Variants in ABTB2 observed in about 807,000 individuals in gnomAD.
The protein encoded by ABTB2 is ankyrin repeat and BTB domain containing 2.
ABTB2 carries 56 observed loss-of-function variants against 104.1 expected under a neutral mutation model. The ratio of observed to expected loss-of-function variants is 0.54; its 90% CI spans 0.43 to 0.67. ABTB2 has a LOEUF of 0.67. Among genes scored for constraint, ABTB2 ranks in the 30% least tolerant of loss-of-function variants. The pLI is 0.00. For synonymous variants in ABTB2, 606 were observed against 608.2 expected, an observed-to-expected ratio of 1.00 and a Z score of 0.05; for missense variants, 1,279 against 1,407.7, an observed-to-expected ratio of 0.91 and a Z score of 1.46.
At chr11:34,339,868 T>C (rs1299866960) in intron 1 of ABTB2, among the ~76,000 whole-genome samples, 1 of 152,134 alleles carries the variant, frequency 6.6e-6, no homozygotes, top group Non-Finnish European at 1.5e-5. Context: ...ATTAATCCTA[T>C]AGAAATAATC....
intron 3 of ABTB2, among the ~76,000 whole-genome samples, chr11:34,185,801 A>C (rs1471349923): frequency 6.6e-6 from 1 of 152,196 alleles, no homozygotes; most frequent in African/African-American, 2.4e-5. Context: ...TATATGTTTC[A>C]AGACAGCTAG....
At chr11:34,169,917 T>G (rs192550537) in intron 5 of ABTB2, among the ~76,000 whole-genome samples, 1 of 152,224 alleles carries the variant, frequency 6.6e-6, no homozygotes, top group African/African-American at 2.4e-5. Flanking sequence ...GGGTCCACCC[T>G]GGCCTCACGG....
intron 1 of ABTB2, among the ~76,000 whole-genome samples, chr11:34,301,925 G>A (rs1364604336): frequency 6.6e-6 from 1 of 152,208 alleles, no homozygotes; most frequent in Non-Finnish European, 1.5e-5. Flanking sequence ...GGTTTAGGCT[G>A]CAGTGAGGCC....
At chr11:34,291,703 C>A (rs1356890258) in intron 1 of ABTB2, among the ~76,000 whole-genome samples, 1 of 152,132 alleles carries the variant, frequency 6.6e-6, no homozygotes, top group Admixed American at 6.6e-5. Flanking sequence ...ACCATGTTGG[C>A]CAGGCTGGTC....
intron 10 of ABTB2, 89 bp downstream of exon 10, chr11:34,162,487 C>T: frequency 1.4e-6 from 2 of 1,392,404 alleles, no homozygotes; most frequent in Non-Finnish European, 2.0e-6. Flanking sequence ...GGCCCTGGCC[C>T]TCTCAGGCCT....
At chr11:34,236,012 G>A (rs1853838446) in intron 1 of ABTB2, among the ~76,000 whole-genome samples, 1 of 152,222 alleles carries the variant, frequency 6.6e-6, no homozygotes, top group African/African-American at 2.4e-5. Context: ...GACGGGGAGA[G>A]ATGCTGCTGG....
intron 2 of ABTB2, among the ~76,000 whole-genome samples, chr11:34,204,167 G>A (rs941991903): frequency 2.0e-5 from 3 of 152,054 alleles, no homozygotes; most frequent in Non-Finnish European, 4.4e-5. Context: ...AGCACCAGTT[G>A]TGAATTCAGA....
intron 1 of ABTB2, among the ~76,000 whole-genome samples, chr11:34,310,824 C>T (rs921189286): frequency 6.6e-6 from 1 of 152,188 alleles, no homozygotes; most frequent in Admixed American, 6.5e-5. Context: ...TGGTCACCTG[C>T]ATCTCATATC....
chr11:34,168,204 G>T (rs931107657), intron 5 of ABTB2, among the ~76,000 whole-genome samples: 1 of 152,204 alleles, frequency 6.6e-6, no homozygotes, highest in African/African-American at 2.4e-5. Flanking sequence ...CAGGACACTG[G>T]AGCAGGGCCC....
At chr11:34,307,198 G>A (rs1333741063) in intron 1 of ABTB2, among the ~76,000 whole-genome samples, 1 of 152,090 alleles carries the variant, frequency 6.6e-6, no homozygotes, top group Non-Finnish European at 1.5e-5. Flanking sequence ...TCCTGGTATT[G>A]TGAGAACTGT....
intron 1 of ABTB2, chr11:34,335,164 T>C: frequency 7.9e-7 from 1 of 1,268,506 alleles, no homozygotes; most frequent in Non-Finnish European, 1.2e-6. Flanking sequence ...GTTGCATTAG[T>C]GAAGATGCTT....
Position 34,151,529 on chromosome 11 carries a change from C to G in ABTB2, c.*858G>C, listed in dbSNP as rs1240954135. On this transcript the variant is annotated 3_prime_UTR_variant, in exon 17 of 17. Coordinates refer to ENST00000435224, the MANE Select transcript of ABTB2 (RefSeq NM_145804.3). ...AGGGGACTCTGCTTCATCGCCCCCA[C>G]AAAGGCAACCTAGTCTAGGCCTGAG... The G allele has an allele frequency of 3.3e-5, 5 of 152,292 alleles. No individual in the cohort carries two copies. The East Asian group carries it at 9.6e-4, about 29-fold the overall frequency. 9.4% of individuals were successfully genotyped at this position (152,292 alleles called of 1,614,324 possible).
At chr11:34,298,695 C>G (rs1039263093) in intron 1 of ABTB2, among the ~76,000 whole-genome samples, 3 of 152,080 alleles carry the variant, frequency 2.0e-5, no homozygotes, top group Admixed American at 6.6e-5. Flanking sequence ...CTCCCGGCCT[C>G]GAGTGATCTG....
chr11:34,331,219 T>G (rs529301537), intron 1 of ABTB2, among the ~76,000 whole-genome samples: 1 of 152,300 alleles, frequency 6.6e-6, no homozygotes, highest in South Asian at 2.1e-4. Flanking sequence ...TGGAGGCATT[T>G]TAAAAAGCAT....
At chr11:34,214,815 A>T (rs1295907378) in intron 1 of ABTB2, among the ~76,000 whole-genome samples, 1 of 152,192 alleles carries the variant, frequency 6.6e-6, no homozygotes, top group Non-Finnish European at 1.5e-5. Context: ...TAACAAAACT[A>T]ATATTACAAT....
chr11:34,210,659 C>T (rs573503999), intron 1 of ABTB2, among the ~76,000 whole-genome samples: 2 of 152,302 alleles, frequency 1.3e-5, no homozygotes, highest in Admixed American at 6.5e-5. Context: ...TCTGCACCTG[C>T]CACCAACGGC....
intron 3 of ABTB2, among the ~76,000 whole-genome samples, chr11:34,194,145 G>C (rs945685421): frequency 1.1e-4 from 17 of 152,178 alleles, no homozygotes; most frequent in Non-Finnish European, 2.2e-4. Flanking sequence ...AGAAATATGA[G>C]GACAGACTTG....
intron 1 of ABTB2, among the ~76,000 whole-genome samples, chr11:34,280,601 G>A (rs1854438841): frequency 6.6e-6 from 1 of 152,104 alleles, no homozygotes; most frequent in Admixed American, 6.6e-5. Context: ...ACAATGATCT[G>A]TCAACCCTTA....
At chr11:34,288,149 A>G (rs1387671875) in intron 1 of ABTB2, among the ~76,000 whole-genome samples, 2 of 152,230 alleles carry the variant, frequency 1.3e-5, no homozygotes, top group Admixed American at 6.5e-5. Context: ...AATTTCAGAC[A>G]TATAGGAAAG....
Sources: gnomAD v4.1 joint callset for allele counts (sites outside exome capture counted in the v4.1 genomes callset) on GRCh38, gnomAD v4.1.1 for gene constraint, MANE v1.5 for transcripts, NCBI Gene and HGNC (gene_info 2026-07-23, HGNC 2026-07-21) for gene names.